Variants in BBS2 observed in about 807,000 individuals in gnomAD.
BBS2 encodes BBSome complex member BBS2.
BBS2 carries 62 observed loss-of-function variants against 83.0 expected under a neutral mutation model. That is an observed-to-expected ratio of 0.75 (90% CI 0.61 to 0.92). The LOEUF is 0.92. Ranked by LOEUF, BBS2 falls within the 40% of genes least tolerant of loss-of-function variation. The probability of loss-of-function intolerance (pLI) is 0.00; values close to 1 mark genes in which losing one functional copy is unlikely to be tolerated. For synonymous variants in BBS2, 303 were observed against 326.1 expected (o/e 0.93, Z 0.76); for missense variants, 784 against 901.0 (o/e 0.87, Z 1.66).
chr16:56,484,917 A>G, intron 16 of BBS2, 50 bp from the exon 17 acceptor site: 1 of 1,404,952 alleles, frequency 7.1e-7, no homozygotes, highest in Non-Finnish European at 1.0e-6. Flanking sequence ...ACATGAAATT[A>G]TAAAATTAGA....
intron 7 of BBS2, among the ~76,000 whole-genome samples, chr16:56,504,091 T>C (rs1001138623): frequency 6.6e-5 from 10 of 152,192 alleles, no homozygotes; most frequent in Non-Finnish European, 1.3e-4. Context: ...AAACATAAAG[T>C]AATTTAGGTT....
intron 11 of BBS2, chr16:56,500,220 T>C (rs1217186323): frequency 5.8e-6 from 2 of 347,362 alleles, no homozygotes; most frequent in East Asian, 7.1e-5. Flanking sequence ...TATGTATGAC[T>C]GTAATATAAA....
At chr16:56,509,904 A>G (rs1370517395) in intron 5 of BBS2, 53 bp downstream of exon 5, 2 of 1,576,852 alleles carry the variant, frequency 1.3e-6, no homozygotes, top group East Asian at 2.2e-5. Flanking sequence ...TTCATCTGAC[A>G]GTACTGATCT....
chr16:56,497,761 T>C lies in BBS2; in HGVS notation c.1779A>G (p.Leu593=), dbSNP rs1481314529. 6 of 1,613,426 alleles carry C rather than the reference T, an allele frequency of 3.7e-6. No individual in the cohort carries two copies. The highest frequency in any genetic ancestry group is 5.1e-6 in the Non-Finnish European group (6 of 1,179,864). The part of the protein sequence containing the change: ...EADFPVYFEE[L]RKVLVKVDEY... ...CCCTCACCTTAACTAGCACCTTTCG[T>C]AATTCCTCAAAATAGACAGGAAAAT... is the stretch of plus-strand genomic sequence containing the variant. The change falls in exon 14 of 17, where the codon TTA becomes TTG. Residue 593 remains leucine (L), a synonymous_variant. Transcript: ENST00000245157.
At chr16:56,508,428 C>G (rs2161738) in intron 5 of BBS2, among the ~76,000 whole-genome samples, 26,323 of 152,048 alleles carry the variant, frequency 0.17, 2,487 homozygotes, top group East Asian at 0.27. Context: ...TCTTTCTGTC[C>G]ACTTACAACG....
chr16:56,518,212 A>G (rs1964806422), intron 1 of BBS2, among the ~76,000 whole-genome samples: 2 of 152,184 alleles, frequency 1.3e-5, no homozygotes, highest in African/African-American at 2.4e-5. Context: ...ATGAAAATGA[A>G]GCCTTATTTT....
downstream of BBS2, among the ~76,000 whole-genome samples, chr16:56,480,361 A>AAAAAAAACAAAAAC (rs1567561784): frequency 2.0e-5 from 3 of 147,986 alleles, no homozygotes; most frequent in Non-Finnish European, 4.4e-5. Flanking sequence ...ACAAAAAAAA[A>AAAAAAAACAAAAAC]AAAACAAAAA....
chr16:56,499,725 TCTAAAGGATTCTA>T lies in BBS2; in HGVS notation c.1527+40_1527+52del, dbSNP rs1444091934. The T allele has an allele frequency of 1.9e-6, 3 of 1,610,208 alleles. No homozygotes were observed. In the Admixed American group the frequency reaches 5.0e-5, roughly 27 times the overall value. ...AATTTTCCCTTTCTATGAAATAACA[TCTAAAGGATTCTA>T]CTGTGTAAAAGCATTGAAAGAGAAA... On this transcript the variant is annotated intron_variant, in intron 12 of 16. Transcript: ENST00000245157.
intron 5 of BBS2, among the ~76,000 whole-genome samples, chr16:56,507,572 T>C (rs1436613249): frequency 6.6e-6 from 1 of 152,046 alleles, no homozygotes; most frequent in Non-Finnish European, 1.5e-5. Flanking sequence ...GATTCTCAAG[T>C]TGTTTTTTTT....
chr16:56,497,224 A>T, intron 14 of BBS2, 145 bp from the exon 15 acceptor site: 1 of 700,672 alleles, frequency 1.4e-6, no homozygotes, highest in Non-Finnish European at 2.6e-6. Flanking sequence ...CCGTTATTTC[A>T]TCTCTGTCTC....
At chr16:56,488,340 A>C (rs947663540) in intron 15 of BBS2, among the ~76,000 whole-genome samples, 1 of 152,218 alleles carries the variant, frequency 6.6e-6, no homozygotes, top group African/African-American at 2.4e-5. Context: ...CTTCAGATAC[A>C]TATCACAAGT....
intron 1 of BBS2, among the ~76,000 whole-genome samples, chr16:56,517,256 T>A (rs1964775162): frequency 6.6e-6 from 1 of 152,240 alleles, no homozygotes; most frequent in Non-Finnish European, 1.5e-5. Context: ...ACTTCCTAAC[T>A]TACTCAGTAT....
intron 1 of BBS2, among the ~76,000 whole-genome samples, chr16:56,518,072 C>T (rs1964802320): frequency 6.6e-6 from 1 of 152,162 alleles, no homozygotes; most frequent in Non-Finnish European, 1.5e-5. Flanking sequence ...CTGCCTCAGC[C>T]TCTCAAAGTG....
At chr16:56,480,529 T>C (rs1296395597), downstream of BBS2, among the ~76,000 whole-genome samples, 1 of 151,988 alleles carries the variant, frequency 6.6e-6, no homozygotes, top group Non-Finnish European at 1.5e-5. Flanking sequence ...AATTCTGGGA[T>C]TACAGGTGCC....
In BBS2 at chr16:56,485,755, A is replaced by C. The variant is rs772828913; in HGVS notation, c.1911-17T>G. The C allele has an allele frequency of 6.2e-7, 1 of 1,613,352 alleles. No homozygotes were observed. The highest frequency in any genetic ancestry group is 1.1e-5 in the South Asian group (1 of 91,032). ...ATTGTTTTCCTGTGCAAATCAGTAGAAATTTGACATCATTTCATGTTGATA... is the reference window on the plus strand; with the variant it reads ...ATTGTTTTCCTGTGCAAATCAGTAGCAATTTGACATCATTTCATGTTGATA... On this transcript the variant is annotated splice_polypyrimidine_tract_variant and intron_variant, in intron 15 of 16. Transcript: ENST00000245157.
In BBS2 at chr16:56,497,794, T is replaced by C. The variant is rs1964155579; in HGVS notation, c.1746A>G (p.Val582=). ...ASFFAIEDLQ[V]EADFPVYFEE... ...CAAAATAGACAGGAAAATCCGCTTCTACTTGAAGGTCTTCAATAGCAAAAA... is the reference window on the plus strand; with the variant it reads ...CAAAATAGACAGGAAAATCCGCTTCCACTTGAAGGTCTTCAATAGCAAAAA... The change falls in exon 14 of 17, where the codon GTA becomes GTG. Residue 582 remains valine, a synonymous_variant. Coordinates refer to ENST00000245157, the MANE Select transcript of BBS2 (RefSeq NM_031885.5). 2 of 1,613,420 alleles carry C rather than the reference T, an allele frequency of 1.2e-6. No homozygotes were observed. The highest frequency in any genetic ancestry group is 1.3e-5 in the African/African-American group (1 of 74,874).
intron 15 of BBS2, among the ~76,000 whole-genome samples, chr16:56,492,437 A>G (rs554719474): frequency 2.4e-4 from 36 of 152,334 alleles, no homozygotes; most frequent in African/African-American, 8.4e-4. Context: ...ATATATTTGC[A>G]TGGAGTATCT....
intron 17 of BBS2, chr16:56,475,446 G>GTAT: frequency 6.8e-7 from 1 of 1,461,280 alleles, no homozygotes; most frequent in Non-Finnish European, 9.6e-7. Flanking sequence ...AGTGATTTAA[G>GTAT]TAGATGGTGC....
chr16:56,513,247 A>G (rs534451466), intron 2 of BBS2, among the ~76,000 whole-genome samples: 63 of 152,388 alleles, frequency 4.1e-4, no homozygotes, highest in Non-Finnish European at 7.2e-4. Flanking sequence ...TACAGTTATT[A>G]CACTATGAAC....
Sources: gnomAD v4.1 joint callset for allele counts (sites outside exome capture counted in the v4.1 genomes callset) on GRCh38, gnomAD v4.1.1 for gene constraint, MANE v1.5 for transcripts, NCBI Gene and HGNC (gene_info 2026-07-23, HGNC 2026-07-21) for gene names.